Variants in DLC1 observed in about 807,000 individuals in gnomAD.
DLC1 encodes the protein DLC1 Rho GTPase activating protein, also known as rho GTPase-activating protein 7.
DLC1 carries 54 observed loss-of-function variants against 140.3 expected under a neutral mutation model. That is an observed-to-expected ratio of 0.38 (90% CI 0.31 to 0.48). The LOEUF is 0.48. DLC1 is among the 20% of genes least tolerant of loss of function. The pLI, the probability that DLC1 is intolerant of heterozygous loss-of-function variation, is 0.96. For synonymous variants in DLC1, 986 were observed against 728.1 expected, an observed-to-expected ratio of 1.35 and a Z score of -5.70; for missense variants, 2,536 against 1,907.0, an observed-to-expected ratio of 1.33 and a Z score of -6.14.
intron 2 of DLC1, among the ~76,000 whole-genome samples, chr8:13,428,288 TATATTA>T (rs139354020): frequency 0.022 from 3,285 of 152,264 alleles, 98 homozygotes; most frequent in African/African-American, 0.072. Context: ...CATGTGGGTT[TATATTA>T]ATATTTCAAA....
intron 2 of DLC1, among the ~76,000 whole-genome samples, chr8:13,410,701 G>A (rs1271611989): frequency 1.3e-5 from 2 of 151,822 alleles, no homozygotes; most frequent in African/African-American, 4.8e-5. Flanking sequence ...CTGAATAAAT[G>A]GAAAGATATA....
chr8:13,179,261 G>T (rs1259510927), intron 5 of DLC1, among the ~76,000 whole-genome samples: 1 of 151,696 alleles, frequency 6.6e-6, no homozygotes, highest in Non-Finnish European at 1.5e-5. Flanking sequence ...TAGTGGTAGT[G>T]ACTGGGAGGT....
At chr8:13,345,832 T>G (rs375710659) in intron 4 of DLC1, among the ~76,000 whole-genome samples, 13 of 152,286 alleles carry the variant, frequency 8.5e-5, no homozygotes, top group African/African-American at 3.1e-4. Flanking sequence ...GTGCTGAGAT[T>G]ACAGGCATCA....
intron 2 of DLC1, among the ~76,000 whole-genome samples, chr8:13,405,258 A>G (rs1239009560): frequency 6.6e-6 from 1 of 152,102 alleles, no homozygotes; most frequent in Non-Finnish European, 1.5e-5. Context: ...AGTGAGCATA[A>G]TACCTAAGAG....
At chr8:13,356,348 A>G (rs1479594380) in intron 4 of DLC1, among the ~76,000 whole-genome samples, 6 of 152,202 alleles carry the variant, frequency 3.9e-5, no homozygotes, top group Non-Finnish European at 7.3e-5. Flanking sequence ...AGTCTTAAAT[A>G]GCATAAGTTG....
At chr8:13,294,751 C>T (rs7815387) in intron 5 of DLC1, among the ~76,000 whole-genome samples, 96,843 of 152,034 alleles carry the variant, frequency 0.64, 30,896 homozygotes, top group Admixed American at 0.71. Flanking sequence ...TATAGCATAG[C>T]GGCTAAGAGC....
Position 13,360,802 on chromosome 8 carries a change from A to G in DLC1, c.1314+32751T>C, listed in dbSNP as rs138876739. On this transcript the variant is annotated intron_variant, in intron 4 of 17. Transcript: ENST00000276297. The stretch of plus-strand genomic sequence containing the variant: ...ATAATCTTACTACCCACATACAAAC[A>G]TTGTCAACAGTTTGGTTTGTTTCCT... 2.6e-5 allele frequency among the ~76,000 whole-genome samples: 4 copies of G among 152,222 alleles called. No homozygotes were observed. In the East Asian group the frequency reaches 7.7e-4, roughly 29 times the overall value.
chr8:13,224,427 C>T (rs1828696505), intron 5 of DLC1, among the ~76,000 whole-genome samples: 1 of 152,074 alleles, frequency 6.6e-6, no homozygotes, highest in African/African-American at 2.4e-5. Context: ...CTTGAGAATC[C>T]AAGCAGTATC....
rs917912989 is a variant in DLC1 at position 13,344,749 on chromosome 8, G to A, written c.1315-39447C>T. 1.8e-4 allele frequency among the ~76,000 whole-genome samples: 27 copies of A among 152,266 alleles called. No individual in the cohort carries two copies. In the South Asian group the frequency reaches 1.9e-3, roughly 11 times the overall value. On this transcript the variant is annotated intron_variant, in intron 4 of 17. Coordinates refer to ENST00000276297, the MANE Select transcript of DLC1 (RefSeq NM_182643.3). ...ATAGACTGAACGATTAGGAAAGCAC[G>A]TGTGTGTAACAATATTTAGATTTTT... is the stretch of plus-strand genomic sequence containing the variant.
At chr8:13,154,547 A>G (rs1824104550) in intron 5 of DLC1, among the ~76,000 whole-genome samples, 1 of 152,174 alleles carries the variant, frequency 6.6e-6, no homozygotes, top group Non-Finnish European at 1.5e-5. Context: ...CACGAGTGCC[A>G]GTGCGCAGCC....
chr8:13,569,548 C>T (rs1322593685), intron 1 of DLC1, among the ~76,000 whole-genome samples: 1 of 152,042 alleles, frequency 6.6e-6, no homozygotes, highest in Non-Finnish European at 1.5e-5. Context: ...CTTTAGAATT[C>T]CCCCATTAAA....
intron 5 of DLC1, among the ~76,000 whole-genome samples, chr8:13,298,197 C>A (rs1004669427): frequency 1.3e-5 from 2 of 152,088 alleles, no homozygotes; most frequent in Admixed American, 6.5e-5. Flanking sequence ...TTATGGCCAA[C>A]CAAATAAGCT....
intron 2 of DLC1, among the ~76,000 whole-genome samples, chr8:13,475,345 A>AT (rs1800390136): frequency 6.6e-6 from 1 of 152,090 alleles, no homozygotes; most frequent in African/African-American, 2.4e-5. Context: ...GAAAATATTG[A>AT]TTTTCCATTC....
intron 5 of DLC1, among the ~76,000 whole-genome samples, chr8:13,130,745 G>A (rs150307930): frequency 3.9e-4 from 59 of 152,260 alleles, no homozygotes; most frequent in African/African-American, 1.0e-3. Context: ...CCCACTCCAG[G>A]GAAAGATTTA....
intron 1 of DLC1, among the ~76,000 whole-genome samples, chr8:13,603,138 A>G (rs1805942118): frequency 6.6e-6 from 1 of 151,904 alleles, no homozygotes; most frequent in South Asian, 2.1e-4. Flanking sequence ...TTCTTAAAAT[A>G]AAAGAACTCT....
chr8:13,161,266 C>T (rs1824676507), intron 5 of DLC1, among the ~76,000 whole-genome samples: 1 of 152,172 alleles, frequency 6.6e-6, no homozygotes, highest in Non-Finnish European at 1.5e-5. Context: ...CCACAGTAAA[C>T]CTGACGATTC....
chr8:13,160,770 G>A (rs186003030), intron 5 of DLC1, among the ~76,000 whole-genome samples: 1 of 152,176 alleles, frequency 6.6e-6, no homozygotes, highest in South Asian at 2.1e-4. Flanking sequence ...ATATGAAAGA[G>A]GGGGTGGGGA....
chr8:13,462,721 T>A (rs1318754970), intron 2 of DLC1, among the ~76,000 whole-genome samples: 1 of 152,162 alleles, frequency 6.6e-6, no homozygotes, highest in Non-Finnish European at 1.5e-5. Flanking sequence ...TTCTTATTCT[T>A]GGTAAATTGT....
intron 5 of DLC1, among the ~76,000 whole-genome samples, chr8:13,134,181 C>T (rs1336127171): frequency 6.6e-6 from 1 of 152,218 alleles, no homozygotes; most frequent in Non-Finnish European, 1.5e-5. Context: ...GAAGGGATCA[C>T]AGCTAAATAT....
Sources: allele counts gnomAD v4.1 joint callset (sites outside exome capture counted in the v4.1 genomes callset), GRCh38; gene constraint gnomAD v4.1.1; transcripts MANE v1.5; gene names NCBI Gene and HGNC (gene_info 2026-07-23, HGNC 2026-07-21).